Variants in ATG4B observed in about 807,000 individuals in gnomAD.
ATG4B encodes cysteine protease ATG4B.
ATG4B carries 29 observed loss-of-function variants against 56.6 expected under a neutral mutation model. That is an observed-to-expected ratio of 0.51 (90% CI 0.38 to 0.70). The LOEUF is 0.70. Ranked by LOEUF, ATG4B falls within the 30% of genes least tolerant of loss-of-function variation. ATG4B has a pLI of 0.00. For synonymous variants in ATG4B, 224 were observed against 206.1 expected (o/e 1.09, Z -0.74); for missense variants, 461 against 515.5 (o/e 0.89, Z 1.02).
At position 241,672,334 on chromosome 2, in the gene ATG4B, C is replaced by T. The variant is rs751908566; in HGVS notation, c.*70C>T. The T allele has an allele frequency of 2.8e-4, 384 of 1,370,008 alleles. No homozygotes were observed. The highest frequency in any genetic ancestry group is 3.7e-4 in the Non-Finnish European group (365 of 986,294). 84.9% of individuals were successfully genotyped at this position (1,370,008 alleles called of 1,614,324 possible). On this transcript the variant is annotated 3_prime_UTR_variant, in exon 13 of 13. Coordinates refer to ENST00000404914, the MANE Select transcript of ATG4B (RefSeq NM_013325.5). ...TGGTGCCGCTGCGTTTCATCCATCC[C>T]GCCCGCTCGCCTGCCGAGGGCTGCG...
rs527908621 is a variant in ATG4B at position 241,658,090 on chromosome 2, T to C, written c.459-1018T>C. The stretch of plus-strand genomic sequence containing the variant: ...GTTCCTGCGTTACTGTTCTCTGCAG[T>C]GTTGACCACCGGCCCACGTGGCTGC... On this transcript the variant is annotated intron_variant, in intron 6 of 12. Transcript: ENST00000404914. 2.0e-4 allele frequency among the ~76,000 whole-genome samples: 31 copies of C among 152,340 alleles called. 1 individual carries two copies. In the South Asian group the frequency reaches 6.0e-3, roughly 30 times the overall value.
chr2:241,655,056 T>C, intron 5 of ATG4B: 1 of 596,530 alleles, frequency 1.7e-6, no homozygotes. Context: ...GTCCCTTCAT[T>C]TCCCCTCCTT....
At chr2:241,648,857 T>C (rs1399194098) in intron 1 of ATG4B, among the ~76,000 whole-genome samples, 1 of 152,206 alleles carries the variant, frequency 6.6e-6, no homozygotes, top group Non-Finnish European at 1.5e-5. Context: ...TTCTGAACCC[T>C]GTGTTTGGGA....
chr2:241,663,670 A>G (rs1410024377), intron 7 of ATG4B, among the ~76,000 whole-genome samples: 1 of 152,232 alleles, frequency 6.6e-6, no homozygotes, highest in Non-Finnish European at 1.5e-5. Flanking sequence ...AAATACAGAA[A>G]TTAATGATTT....
At chr2:241,669,021 ACGGGCGGCCCC>A (rs1330375754) in intron 10 of ATG4B, among the ~76,000 whole-genome samples, 12 of 100,578 alleles carry the variant, frequency 1.2e-4, no homozygotes, top group South Asian at 3.5e-4. Context: ...ATTTAAACAC[ACGGGCGGCCCC>A]TCCACCCACC....
intron 1 of ATG4B, among the ~76,000 whole-genome samples, chr2:241,647,646 AAAG>A (rs1260659668): frequency 6.7e-6 from 1 of 149,770 alleles, no homozygotes; most frequent in Non-Finnish European, 1.5e-5. Flanking sequence ...AAAAAAAAGA[AAAG>A]AAATTAGACC....
intron 12 of ATG4B, 40 bp downstream of exon 12, chr2:241,671,445 C>T (rs373568920): frequency 4.6e-5 from 74 of 1,606,940 alleles, no homozygotes; most frequent in Non-Finnish European, 5.8e-5. Flanking sequence ...CTCGGAGGTA[C>T]GATCTGTGCC....
intron 3 of ATG4B, 98 bp from the exon 4 acceptor site, chr2:241,653,414 C>T: frequency 6.4e-7 from 1 of 1,551,326 alleles, no homozygotes. Flanking sequence ...GGAGTCGGTG[C>T]CTGTGGTGTG....
At chr2:241,666,023 T>A (rs34278297) in intron 7 of ATG4B, among the ~76,000 whole-genome samples, 30,121 of 152,252 alleles carry the variant, frequency 0.2, 3,314 homozygotes, top group East Asian at 0.27. Context: ...CGTTTATGTT[T>A]TGAGCCCTCC....
intron 7 of ATG4B, among the ~76,000 whole-genome samples, chr2:241,664,640 A>G (rs1056262808): frequency 6.6e-6 from 1 of 152,006 alleles, no homozygotes; most frequent in Non-Finnish European, 1.5e-5. Flanking sequence ...ATTGCTTGAG[A>G]CCAACCTGGA....
chr2:241,666,910 A>G (rs2068795890), intron 8 of ATG4B, 72 bp downstream of exon 8: 4 of 1,487,936 alleles, frequency 2.7e-6, no homozygotes, highest in Non-Finnish European at 3.6e-6. Context: ...CTTTCAGCGC[A>G]TCGTCGTCAC....
chr2:241,643,862 G>A (rs1057331538), intron 1 of ATG4B, among the ~76,000 whole-genome samples: 5 of 151,906 alleles, frequency 3.3e-5, no homozygotes, highest in East Asian at 1.9e-4. Flanking sequence ...TGCACCCGGC[G>A]AGTGGATATT....
chr2:241,662,107 G>A (rs568159302), intron 7 of ATG4B, among the ~76,000 whole-genome samples: 7 of 152,296 alleles, frequency 4.6e-5, no homozygotes, highest in Admixed American at 4.6e-4. Flanking sequence ...GCCACTGAAG[G>A]AGTAGGAGAA....
chr2:241,671,477 C>G, intron 12 of ATG4B, 72 bp downstream of exon 12: 1 of 1,578,352 alleles, frequency 6.3e-7, no homozygotes, highest in Non-Finnish European at 8.6e-7. Context: ...AGTCCTGGCC[C>G]CCTTGGTTTT....
At chr2:241,663,279 ATAAT>A (rs2068648426) in intron 7 of ATG4B, among the ~76,000 whole-genome samples, 4 of 152,184 alleles carry the variant, frequency 2.6e-5, no homozygotes, top group Admixed American at 2.0e-4. Flanking sequence ...AGAAAACAGA[ATAAT>A]TAACAGATTA....
At chr2:241,658,016 C>G (rs916030459) in intron 6 of ATG4B, among the ~76,000 whole-genome samples, 1 of 152,180 alleles carries the variant, frequency 6.6e-6, no homozygotes, top group Non-Finnish European at 1.5e-5. Context: ...CCCAGGTACC[C>G]TTTGGCACCA....
intron 7 of ATG4B, among the ~76,000 whole-genome samples, chr2:241,661,081 A>G (rs1025029171): frequency 2.6e-5 from 4 of 152,160 alleles, no homozygotes; most frequent in South Asian, 4.2e-4. Flanking sequence ...TGCTGCTGAA[A>G]CGTGGCTTGT....
chr2:241,663,188 A>G (rs2068644530), intron 7 of ATG4B, among the ~76,000 whole-genome samples: 1 of 152,256 alleles, frequency 6.6e-6, no homozygotes, highest in East Asian at 1.9e-4. Context: ...AGCTGAGATC[A>G]TGCCACTGCA....
intron 6 of ATG4B, among the ~76,000 whole-genome samples, chr2:241,655,787 AGT>A (rs2068380237): frequency 6.6e-6 from 1 of 152,176 alleles, no homozygotes; most frequent in South Asian, 2.1e-4. Flanking sequence ...AGCGTCTGAA[AGT>A]GTGCTCTGCA....
Sources: gnomAD v4.1 joint callset for allele counts (sites outside exome capture counted in the v4.1 genomes callset) on GRCh38, gnomAD v4.1.1 for gene constraint, MANE v1.5 for transcripts, NCBI Gene and HGNC (gene_info 2026-07-23, HGNC 2026-07-21) for gene names.